The following EPHA6 variants were observed in gnomAD, a reference collection of about 807,000 sequenced individuals.
The protein encoded by EPHA6 is ephrin type-A receptor 6.
A neutral mutation model predicts 112.0 loss-of-function variants in EPHA6; 50 were observed. That is an observed-to-expected ratio of 0.45 (90% CI 0.36 to 0.56). EPHA6 has a LOEUF of 0.56. EPHA6 is among the 20% of genes least tolerant of loss of function. The probability of loss-of-function intolerance (pLI) is 0.00; values close to 1 mark genes in which losing one functional copy is unlikely to be tolerated. For synonymous variants in EPHA6, 529 were observed against 490.7 expected (o/e 1.08, Z -1.03); for missense variants, 1,280 against 1,417.4 (o/e 0.90, Z 1.56).
chr3:97,277,393 G>A (rs1369652464), intron 5 of EPHA6, among the ~76,000 whole-genome samples: 1 of 152,128 alleles, frequency 6.6e-6, no homozygotes, highest in Non-Finnish European at 1.5e-5. Flanking sequence ...CCAGGAAAAG[G>A]AATTTCGCAA....
intron 5 of EPHA6, among the ~76,000 whole-genome samples, chr3:97,379,118 G>A (rs150053718): frequency 2.6e-5 from 4 of 152,106 alleles, no homozygotes; most frequent in Non-Finnish European, 5.9e-5. Flanking sequence ...AATCATGGGG[G>A]TGGCTTCCCC....
At position 96,875,111 on chromosome 3, in the gene EPHA6, C is replaced by G. The variant is rs1362696895; in HGVS notation, c.450+8222C>G. On this transcript the variant is annotated intron_variant, in intron 2 of 17. Transcript: ENST00000389672. ...TATCTGGGCTGCCAGATTGTAAATA[C>G]AGATTGTACTTATAATAATAATAAT... Among the ~76,000 whole-genome samples, 3 of 152,090 alleles carry G rather than the reference C, an allele frequency of 2.0e-5. No individual in the cohort carries two copies. In the East Asian group the frequency reaches 5.8e-4, roughly 30 times the overall value.
chr3:96,818,394 T>C (rs193004471), intron 1 of EPHA6, among the ~76,000 whole-genome samples: 105 of 152,080 alleles, frequency 6.9e-4, no homozygotes, highest in Non-Finnish European at 1.3e-3. Flanking sequence ...CAAAGTATGG[T>C]ATGGGTAAGT....
At position 97,755,635 on chromosome 3, in the gene EPHA6, A is replaced by T. The variant is rs1179993069; in HGVS notation, c.*6934A>T. Among the ~76,000 whole-genome samples, 1 of 152,146 alleles carries T rather than the reference A, an allele frequency of 6.6e-6. No individual in the cohort carries two copies. Among genetic ancestry groups the T allele is most frequent in the Non-Finnish European group, 1.5e-5 (1 of 67,978 alleles). ...ATACATTATTATAGAAAAAATTCCA[A>T]GGATATAAGAATCATTTTTCATATA... On this transcript the variant is annotated 3_prime_UTR_variant, in exon 18 of 18. Coordinates refer to ENST00000389672, the MANE Select transcript of EPHA6 (RefSeq NM_001080448.3).
chr3:96,858,709 G>A (rs951131471), intron 1 of EPHA6, among the ~76,000 whole-genome samples: 7 of 152,022 alleles, frequency 4.6e-5, no homozygotes, highest in African/African-American at 9.7e-5. Flanking sequence ...CAGATAGTAG[G>A]GGGGATAATT....
At chr3:97,477,305 C>T (rs905305281) in intron 8 of EPHA6, among the ~76,000 whole-genome samples, 1 of 151,942 alleles carries the variant, frequency 6.6e-6, no homozygotes. Flanking sequence ...ATAAACAAAA[C>T]CCCTAAACAT....
chr3:97,203,126 G>T (rs1269378646), intron 3 of EPHA6, among the ~76,000 whole-genome samples: 2 of 152,120 alleles, frequency 1.3e-5, no homozygotes, highest in African/African-American at 4.8e-5. Flanking sequence ...GCTTTATTAA[G>T]CAGGGTAAGT....
chr3:97,237,296 C>T (rs970726244), intron 4 of EPHA6, among the ~76,000 whole-genome samples: 1 of 151,680 alleles, frequency 6.6e-6, no homozygotes, highest in East Asian at 1.9e-4. Flanking sequence ...TTAAAATAAC[C>T]CTTACACTAC....
chr3:97,395,599 T>C (rs2086652803), intron 5 of EPHA6, among the ~76,000 whole-genome samples: 1 of 151,854 alleles, frequency 6.6e-6, no homozygotes, highest in Admixed American at 6.6e-5. Context: ...TATATAGTCT[T>C]AAAATTTTGT....
At chr3:97,256,593 A>G (rs1448183413) in intron 5 of EPHA6, among the ~76,000 whole-genome samples, 3 of 152,090 alleles carry the variant, frequency 2.0e-5, no homozygotes, top group African/African-American at 2.4e-5. Context: ...TATTTTGCAT[A>G]AAAGAGCTTT....
At chr3:96,959,855 A>G (rs1265690766) in intron 2 of EPHA6, among the ~76,000 whole-genome samples, 6 of 152,038 alleles carry the variant, frequency 3.9e-5, no homozygotes, top group African/African-American at 1.4e-4. Context: ...AATTTACTTA[A>G]TATGTAATAT....
intron 5 of EPHA6, among the ~76,000 whole-genome samples, chr3:97,360,172 C>T (rs542855900): frequency 6.6e-6 from 1 of 152,298 alleles, no homozygotes; most frequent in East Asian, 1.9e-4. Context: ...GGAACAAGTG[C>T]ACAGCTGCCT....
chr3:96,849,309 A>G (rs2035256025), intron 1 of EPHA6, among the ~76,000 whole-genome samples: 1 of 152,160 alleles, frequency 6.6e-6, no homozygotes, highest in South Asian at 2.1e-4. Flanking sequence ...TTTATTCATT[A>G]ACACTGTGGG....
At chr3:96,876,702 T>A (rs974822996) in intron 2 of EPHA6, among the ~76,000 whole-genome samples, 3 of 152,102 alleles carry the variant, frequency 2.0e-5, no homozygotes, top group Non-Finnish European at 4.4e-5. Flanking sequence ...GTTTCTTCCA[T>A]ATGACTTGCT....
At chr3:97,009,858 T>C in intron 3 of EPHA6, 1 of 386,930 alleles carries the variant, frequency 2.6e-6, no homozygotes, top group Non-Finnish European at 5.1e-6. Flanking sequence ...CCCTTGTGGC[T>C]CTCAGGTAGG....
chr3:97,685,109 A>C (rs2107691136), intron 14 of EPHA6, among the ~76,000 whole-genome samples: 1 of 152,254 alleles, frequency 6.6e-6, no homozygotes, highest in South Asian at 2.1e-4. Flanking sequence ...CCACAAGAAA[A>C]ATTTATATGA....
chr3:97,069,819 A>G (rs551951817), intron 3 of EPHA6, among the ~76,000 whole-genome samples: 66 of 152,320 alleles, frequency 4.3e-4, no homozygotes, highest in African/African-American at 1.5e-3. Context: ...GCTATGCTTT[A>G]TGGTTATTAA....
At chr3:97,446,123 A>T (rs1277317628) in intron 6 of EPHA6, among the ~76,000 whole-genome samples, 1 of 152,200 alleles carries the variant, frequency 6.6e-6, no homozygotes, top group East Asian at 1.9e-4. Flanking sequence ...ACCTATGCAT[A>T]TCATAGACAA....
chr3:97,272,400 G>A (rs2079916194), intron 5 of EPHA6, among the ~76,000 whole-genome samples: 1 of 151,902 alleles, frequency 6.6e-6, no homozygotes, highest in African/African-American at 2.4e-5. Context: ...TGCAACATAA[G>A]GCGATCTCAT....
Sources: allele counts gnomAD v4.1 joint callset (sites outside exome capture counted in the v4.1 genomes callset), GRCh38; gene constraint gnomAD v4.1.1; transcripts MANE v1.5; gene names NCBI Gene and HGNC (gene_info 2026-07-23, HGNC 2026-07-21).